SIPA1L2: variants seen among roughly 807,000 people sequenced by gnomAD.
The protein encoded by SIPA1L2 is signal-induced proliferation-associated 1-like protein 2.
In SIPA1L2, 56 loss-of-function variants were observed where a neutral mutation model predicts 163.9. That is an observed-to-expected ratio of 0.34 (90% CI 0.28 to 0.43). The LOEUF is 0.43. Among genes scored for constraint, SIPA1L2 ranks in the 20% least tolerant of loss-of-function variants. The probability of loss-of-function intolerance (pLI) is 1.00; values close to 1 mark genes in which losing one functional copy is unlikely to be tolerated. For missense variants in SIPA1L2, 1,974 were observed against 2,193.5 expected (o/e 0.90, Z 2.00); for synonymous variants, 877 against 865.7 (o/e 1.01, Z -0.23).
At chr1:232,421,464 C>G (rs571490581) in intron 18 of SIPA1L2, among the ~76,000 whole-genome samples, 3 of 152,142 alleles carry the variant, frequency 2.0e-5, no homozygotes, top group Non-Finnish European at 4.4e-5. Flanking sequence ...GGTCAGATAT[C>G]TGAGGTTTCA....
chr1:232,544,195 C>T (rs1044842951), intron 2 of SIPA1L2, among the ~76,000 whole-genome samples: 1 of 152,126 alleles, frequency 6.6e-6, no homozygotes, highest in Non-Finnish European at 1.5e-5. Context: ...TGGAACTACT[C>T]CCACATTCTG....
chr1:232,479,508 T>C (rs1010181424), intron 7 of SIPA1L2, 119 bp downstream of exon 7: 1 of 771,960 alleles, frequency 1.3e-6, no homozygotes. Context: ...AGATGATTAA[T>C]GCTATTCAAG....
chr1:232,410,989 T>C (rs1156684048), intron 19 of SIPA1L2, among the ~76,000 whole-genome samples: 1 of 152,164 alleles, frequency 6.6e-6, no homozygotes, highest in Non-Finnish European at 1.5e-5. Context: ...CATCATCTTA[T>C]ACCATTAAAG....
At chr1:232,483,768 C>T (rs372671865) in intron 6 of SIPA1L2, 24 bp downstream of exon 6, 13 of 1,611,974 alleles carry the variant, frequency 8.1e-6, no homozygotes, top group Admixed American at 3.3e-5. Flanking sequence ...TAAAAATGTG[C>T]ACACACACAA....
In SIPA1L2 at chr1:232,402,943, G is replaced by A. The variant is rs536676077; in HGVS notation, c.4941-470C>T. Among the ~76,000 whole-genome samples the A allele has an allele frequency of 1.3e-4, 20 of 152,294 alleles. No homozygotes were observed. In the South Asian group the frequency reaches 3.3e-3, roughly 25 times the overall value. Reference sequence around the variant, plus strand: ...CAGAGGTAAAGAATACACATTTCACGGGGAATGAACATGTCATGAATATAG... The same window carrying A: ...CAGAGGTAAAGAATACACATTTCACAGGGAATGAACATGTCATGAATATAG... On this transcript the variant is annotated intron_variant, in intron 21 of 22. Coordinates refer to ENST00000674635, the MANE Select transcript of SIPA1L2 (RefSeq NM_020808.5).
chr1:232,480,144 T>TGTGTGTGTGC (rs61631211), intron 6 of SIPA1L2, among the ~76,000 whole-genome samples: 1 of 136,428 alleles, frequency 7.3e-6, no homozygotes, highest in African/African-American at 3.2e-5. Context: ...CGCATCTGTG[T>TGTGTGTGTGC]GTGTGTGTGC....
intron 1 of SIPA1L2, among the ~76,000 whole-genome samples, chr1:232,597,427 C>T (rs1440549901): frequency 6.6e-6 from 1 of 151,464 alleles, no homozygotes; most frequent in East Asian, 1.9e-4. Context: ...CCTGTAATCC[C>T]AGCACTTTGG....
chr1:232,572,726 T>C lies in SIPA1L2; in HGVS notation c.-270+1448A>G, dbSNP rs1421884303. On this transcript the variant is annotated intron_variant, in intron 2 of 22. Transcript: ENST00000674635. ...ATATATATATATATATACACACATA[T>C]ATACATACATACATATATATATATA... 1.1e-3 allele frequency among the ~76,000 whole-genome samples: 89 copies of C among 79,530 alleles called. 4 individuals carry two copies. In the East Asian group the frequency reaches 0.092, roughly 83 times the overall value. The allele number at this position is 79,530 out of a possible 152,430, so 52.2% of individuals were successfully genotyped here.
At chr1:232,548,874 A>C (rs558784755) in intron 2 of SIPA1L2, among the ~76,000 whole-genome samples, 1 of 152,350 alleles carries the variant, frequency 6.6e-6, no homozygotes, top group Non-Finnish European at 1.5e-5. Flanking sequence ...GATCCGTGCA[A>C]GGACAAGGGA....
At chr1:232,495,777 G>C (rs1284576528) in intron 3 of SIPA1L2, among the ~76,000 whole-genome samples, 3 of 152,032 alleles carry the variant, frequency 2.0e-5, no homozygotes, top group Admixed American at 6.6e-5. Context: ...TGATGTTACA[G>C]ATGTCATTAC....
chr1:232,599,139 CTCTATGCTTA>C (rs1379260311), intron 1 of SIPA1L2, among the ~76,000 whole-genome samples: 2 of 152,180 alleles, frequency 1.3e-5, no homozygotes, highest in Middle Eastern at 3.2e-3. Context: ...CAGCAACCAG[CTCTATGCTTA>C]AACCCTATAA....
intron 21 of SIPA1L2, among the ~76,000 whole-genome samples, chr1:232,403,088 G>T (rs28402703): frequency 0.055 from 8,354 of 152,324 alleles, 280 homozygotes; most frequent in South Asian, 0.085. Context: ...GCAGGTGGAA[G>T]GCCAATCGGC....
chr1:232,620,799 G>A (rs7418637), intron 1 of SIPA1L2, among the ~76,000 whole-genome samples: 2 of 152,348 alleles, frequency 1.3e-5, no homozygotes, highest in South Asian at 4.1e-4. Context: ...GCATTTCAGT[G>A]AATGTTCAAA....
chr1:232,541,863 A>C (rs1315061552), intron 2 of SIPA1L2, among the ~76,000 whole-genome samples: 1 of 98,384 alleles, frequency 1.0e-5, no homozygotes, highest in African/African-American at 3.1e-5. Context: ...TTAAAAAAAA[A>C]AAAAAAAAAA....
chr1:232,587,821 G>A (rs1660750709), intron 1 of SIPA1L2, among the ~76,000 whole-genome samples: 1 of 152,136 alleles, frequency 6.6e-6, no homozygotes, highest in African/African-American at 2.4e-5. Flanking sequence ...CCCCCATACT[G>A]TTCTTGTGGC....
chr1:232,572,688 T>C lies in SIPA1L2; in HGVS notation c.-270+1486A>G, dbSNP rs980531211. Among the ~76,000 whole-genome samples, 55 of 52,826 alleles carry C rather than the reference T, an allele frequency of 1.0e-3. No individual in the cohort carries two copies. In the East Asian group the frequency reaches 0.019, roughly 18 times the overall value. 34.7% of individuals were successfully genotyped at this position (52,826 alleles called of 152,430 possible). A position where few individuals can be genotyped will look rare whatever the true frequency, so the allele number is the denominator to read the frequency against. ...ATATATATATATATACACACACATA[T>C]ACATACATATATATATATATATATA... is the stretch of plus-strand genomic sequence containing the variant. On this transcript the variant is annotated intron_variant, in intron 2 of 22. Transcript: ENST00000674635.
intron 2 of SIPA1L2, among the ~76,000 whole-genome samples, chr1:232,555,342 C>A (rs1189052591): frequency 2.0e-5 from 3 of 152,104 alleles, no homozygotes; most frequent in Admixed American, 2.0e-4. Context: ...CCATGCTTTG[C>A]CCCCCTAAAG....
rs201219975 is a variant in SIPA1L2, at chr1:232,456,303, CCT to C, written c.3095+4582_3095+4583del. The stretch of plus-strand genomic sequence containing the variant: ...AGTTTTCCTTCTATTTCCATACTCT[CCT>C]CTCTGCATACTTCAGGGAGTTGAAT... On this transcript the variant is annotated intron_variant, in intron 10 of 22. Transcript: ENST00000674635. 6.6e-3 allele frequency among the ~76,000 whole-genome samples: 1,004 copies of C among 152,238 alleles called. 11 individuals are homozygous for C. Among genetic ancestry groups the C allele is most frequent in the African/African-American group, 0.021 (857 of 41,524 alleles).
chr1:232,425,897 A>G, intron 17 of SIPA1L2, 89 bp from the exon 18 acceptor site: 1 of 1,151,862 alleles, frequency 8.7e-7, no homozygotes, highest in Non-Finnish European at 1.2e-6. Flanking sequence ...GGTTTCACAT[A>G]CTATTGTGAT....
Sources: allele counts gnomAD v4.1 joint callset (sites outside exome capture counted in the v4.1 genomes callset), GRCh38; gene constraint gnomAD v4.1.1; transcripts MANE v1.5; gene names NCBI Gene and HGNC (gene_info 2026-07-23, HGNC 2026-07-21).